Variants in CCDC146 observed in about 807,000 individuals in gnomAD.
CCDC146 encodes coiled-coil domain-containing protein 146.
CCDC146 carries 92 observed loss-of-function variants against 119.3 expected under a neutral mutation model. The observed-to-expected ratio is 0.77, with a 90% confidence interval of 0.65 to 0.92. The LOEUF is 0.92. Ranked by LOEUF, CCDC146 falls within the 40% of genes least tolerant of loss-of-function variation. CCDC146 has a pLI of 0.00. For synonymous variants in CCDC146, 372 were observed against 371.8 expected (o/e 1.00, Z -0.01); for missense variants, 1,000 against 1,103.0 (o/e 0.91, Z 1.32).
At chr7:77,132,891 G>A (rs902370568) in intron 1 of CCDC146, among the ~76,000 whole-genome samples, 3 of 151,838 alleles carry the variant, frequency 2.0e-5, no homozygotes, top group Non-Finnish European at 2.9e-5. Flanking sequence ...TGTTTGGTAG[G>A]CCGGGCACGG....
intron 1 of CCDC146, among the ~76,000 whole-genome samples, chr7:77,164,290 T>A (rs1443885491): frequency 6.6e-6 from 1 of 152,172 alleles, no homozygotes; most frequent in Admixed American, 6.5e-5. Flanking sequence ...TTTAGTTTAT[T>A]CACAAAACAA....
chr7:77,235,366 A>AT (rs1792714586), intron 2 of CCDC146, among the ~76,000 whole-genome samples: 1 of 152,306 alleles, frequency 6.6e-6, no homozygotes, highest in African/African-American at 2.4e-5. Context: ...CTTCTTATGA[A>AT]TTCATATTTA....
intron 1 of CCDC146, among the ~76,000 whole-genome samples, chr7:77,157,132 G>A (rs1420752729): frequency 2.0e-5 from 2 of 100,380 alleles, no homozygotes; most frequent in African/African-American, 4.7e-5. Context: ...AGAGCAATGG[G>A]CTGCTGGGGG....
intron 8 of CCDC146, 29 bp downstream of exon 8, chr7:77,260,265 T>C (rs1793267810): frequency 6.7e-7 from 1 of 1,501,608 alleles, no homozygotes; most frequent in South Asian, 1.2e-5. Flanking sequence ...TGTTATGTTC[T>C]GTCATCTAAA....
chr7:77,207,115 TA>T (rs1203798682), intron 2 of CCDC146, among the ~76,000 whole-genome samples: 1 of 152,136 alleles, frequency 6.6e-6, no homozygotes, highest in Non-Finnish European at 1.5e-5. Flanking sequence ...TTAAATGGAG[TA>T]AATGTTGTAG....
chr7:77,127,859 A>T (rs531968732), intron 1 of CCDC146, among the ~76,000 whole-genome samples: 5 of 151,932 alleles, frequency 3.3e-5, no homozygotes, highest in Admixed American at 3.3e-4. Flanking sequence ...ATCTTTTCGT[A>T]TTTCATTCTG....
Position 77,196,434 on chromosome 7 carries a change from A to G in CCDC146, c.156+28610A>G. The G allele has an allele frequency of 6.2e-7, 1 of 1,614,150 alleles. No individual in the cohort carries two copies. Among genetic ancestry groups the G allele is most frequent in the Non-Finnish European group, 8.5e-7 (1 of 1,180,024 alleles). Reference sequence around the variant, plus strand: ...TTTTGGTGATAATATTTGCCATTTAAGTTTGCAGAAAGACATGCATCAAAC... The same window carrying G: ...TTTTGGTGATAATATTTGCCATTTAGGTTTGCAGAAAGACATGCATCAAAC... On this transcript the variant is annotated intron_variant, in intron 2 of 18. Coordinates refer to ENST00000285871, the MANE Select transcript of CCDC146 (RefSeq NM_020879.3). This position sits in a 1 kb window ranked among gnomAD's most constrained non-coding sequence, Gnocchi z 4.2.
rs1355005743 is a variant in CCDC146, at chr7:77,273,691, C to T, written c.1174-3C>T. On this transcript the variant is annotated splice_region_variant and splice_polypyrimidine_tract_variant and intron_variant, in intron 9 of 18. Transcript: ENST00000285871. The stretch of plus-strand genomic sequence containing the variant: ...ATGCATGTTTTTAAATTTTGATTTC[C>T]AGATGGAAGCTATCCCCAAAGATGA... The T allele has an allele frequency of 3.1e-6, 5 of 1,599,658 alleles. No homozygotes were observed. In the South Asian group the frequency reaches 3.4e-5, roughly 11 times the overall value.
chr7:77,159,337 C>T (rs988187051), intron 1 of CCDC146, among the ~76,000 whole-genome samples: 3 of 152,162 alleles, frequency 2.0e-5, no homozygotes, highest in African/African-American at 7.2e-5. Context: ...CTGGCAACCA[C>T]CATCCCACTC....
chr7:77,170,163 A>G (rs1213514439), intron 2 of CCDC146, among the ~76,000 whole-genome samples: 1 of 152,084 alleles, frequency 6.6e-6, no homozygotes, highest in East Asian at 1.9e-4. Context: ...AGTGTCTGTT[A>G]TTCTCATGTT....
chr7:77,123,535 C>A (rs3095394), intron 1 of CCDC146, among the ~76,000 whole-genome samples: 82,875 of 150,216 alleles, frequency 0.55, 23,366 homozygotes, highest in Non-Finnish European at 0.62. Flanking sequence ...TTCTTTCCTG[C>A]CTGGTTTCTC....
chr7:77,165,398 G>T (rs961681666), intron 1 of CCDC146, among the ~76,000 whole-genome samples: 19 of 151,964 alleles, frequency 1.3e-4, no homozygotes, highest in Non-Finnish European at 2.4e-4. Flanking sequence ...ACATTCACAT[G>T]AGCAGCACAG....
intron 9 of CCDC146, among the ~76,000 whole-genome samples, chr7:77,269,638 A>G (rs1397289356): frequency 6.6e-6 from 1 of 152,260 alleles, no homozygotes; most frequent in Non-Finnish European, 1.5e-5. Context: ...CAAATATTAT[A>G]AAAGCTATTT....
At chr7:77,294,545 G>A in intron 18 of CCDC146, 118 bp from the exon 19 acceptor site, 1 of 798,056 alleles carries the variant, frequency 1.3e-6, no homozygotes, top group Non-Finnish European at 2.0e-6. Context: ...TCCCTTTGGG[G>A]AGTATCAGCT....
chr7:77,131,250 G>A lies in CCDC146; in HGVS notation c.-12+8518G>A, dbSNP rs1414271624. The stretch of plus-strand genomic sequence containing the variant: ...GGAAAATCTGGCCAAAATTTTCAAA[G>A]GAAAAGTTACCACCCCCAAATTATC... On this transcript the variant is annotated intron_variant, in intron 1 of 18. Transcript: ENST00000285871. Among the ~76,000 whole-genome samples, 9 of 151,796 alleles carry A rather than the reference G, an allele frequency of 5.9e-5. No homozygotes were observed. In the South Asian group the frequency reaches 1.2e-3, roughly 21 times the overall value.
chr7:77,212,098 G>A (rs1251306813), intron 2 of CCDC146, among the ~76,000 whole-genome samples: 1 of 152,020 alleles, frequency 6.6e-6, no homozygotes. Flanking sequence ...AGAAAATGAT[G>A]CATACATATG....
Position 77,280,614 on chromosome 7 carries a change from G to A in CCDC146, c.1880G>A (p.Arg627His), listed in dbSNP as rs145644037. 56 of 1,613,634 alleles carry A rather than the reference G, an allele frequency of 3.5e-5. 1 individual carries two copies. Among genetic ancestry groups the A allele is most frequent in the Non-Finnish European group, 4.5e-5 (53 of 1,179,790 alleles). Residue 627 changes from arginine (R) to histidine (H), a missense_variant, in exon 14 of 19, where the codon CGC becomes CAC. Transcript: ENST00000285871. ...ATCGAAGAGGAGATGGTGCAGCTTCGCAAAAGATACGAAAAAGCTGTTCAG... is the reference window on the plus strand; with the variant it reads ...ATCGAAGAGGAGATGGTGCAGCTTCACAAAAGATACGAAAAAGCTGTTCAG... The part of the protein sequence containing the change: ...TMIEEEMVQL[R>H]KRYEKAVQHR...
At chr7:77,131,964 T>C (rs1002075989) in intron 1 of CCDC146, among the ~76,000 whole-genome samples, 2 of 152,318 alleles carry the variant, frequency 1.3e-5, no homozygotes, top group Admixed American at 6.5e-5. Flanking sequence ...AGAACTGTTC[T>C]GCATCTTGAT....
chr7:77,258,513 A>T (rs945183284), intron 6 of CCDC146, among the ~76,000 whole-genome samples: 1 of 152,196 alleles, frequency 6.6e-6, no homozygotes, highest in Non-Finnish European at 1.5e-5. Context: ...TTTATTGTAC[A>T]GTATTCAATA....
Sources: gnomAD v4.1 joint callset for allele counts (sites outside exome capture counted in the v4.1 genomes callset) on GRCh38, gnomAD v4.1.1 for gene constraint, Gnocchi (gnomAD v3.1) non-coding constraint, MANE v1.5 for transcripts, NCBI Gene and HGNC (gene_info 2026-07-23, HGNC 2026-07-21) for gene names.